The following DNAH3 variants were observed in gnomAD, a reference collection of about 807,000 sequenced individuals.
The protein encoded by DNAH3 is dynein axonemal heavy chain 3, also known as axonemal beta dynein heavy chain 3.
Under a neutral mutation model 432.5 loss-of-function variants are expected in DNAH3, and 332 were observed. The observed-to-expected ratio is 0.77, with a 90% confidence interval of 0.70 to 0.84. The LOEUF is 0.84. DNAH3 is among the 40% of genes least tolerant of loss of function. The probability of loss-of-function intolerance (pLI) is 0.00; values close to 1 mark genes in which losing one functional copy is unlikely to be tolerated. For missense variants in DNAH3, 4,861 were observed against 5,114.0 expected (o/e 0.95, Z 1.51); for synonymous variants, 1,956 against 1,900.2 (o/e 1.03, Z -0.76).
intron 53 of DNAH3, among the ~76,000 whole-genome samples, chr16:20,959,608 TAAACACACAC>T (rs1567529516): frequency 4.6e-5 from 5 of 109,446 alleles, no homozygotes; most frequent in Non-Finnish European, 7.6e-5. Flanking sequence ...TGTCTCTATT[TAAACACACAC>T]ACACACACAC....
At chr16:20,933,614 T>G in intron 61 of DNAH3, 107 bp from the exon 62 acceptor site, 1 of 843,150 alleles carries the variant, frequency 1.2e-6, no homozygotes, top group Non-Finnish European at 1.8e-6. Context: ...GGTTGCAATA[T>G]CTACCTCTCC....
chr16:20,934,817 C>G (rs2152563904), intron 61 of DNAH3, among the ~76,000 whole-genome samples: 1 of 152,122 alleles, frequency 6.6e-6, no homozygotes, highest in East Asian at 1.9e-4. Flanking sequence ...AAAGGCTAAT[C>G]AAGTTAAGTT....
intron 44 of DNAH3, among the ~76,000 whole-genome samples, chr16:20,994,051 T>C (rs2086664071): frequency 6.6e-6 from 1 of 152,236 alleles, no homozygotes; most frequent in African/African-American, 2.4e-5. Context: ...ATTCAGATAC[T>C]TCAGACACTT....
chr16:21,105,487 C>G (rs1260270721), intron 15 of DNAH3, among the ~76,000 whole-genome samples: 1 of 152,142 alleles, frequency 6.6e-6, no homozygotes, highest in Admixed American at 6.5e-5. Context: ...GATGGGCGGC[C>G]AGGGGCTGTG....
At chr16:21,059,572 C>T (rs1420168849) in intron 26 of DNAH3, among the ~76,000 whole-genome samples, 3 of 152,000 alleles carry the variant, frequency 2.0e-5, no homozygotes, top group East Asian at 1.9e-4. Flanking sequence ...GTCAGGAGTT[C>T]GAGACCAGCC....
At chr16:20,974,985 GT>G (rs35783206) in intron 51 of DNAH3, among the ~76,000 whole-genome samples, 1,858 of 120,786 alleles carry the variant, frequency 0.015, 44 homozygotes, top group African/African-American at 0.054. Flanking sequence ...CACCTGGCTA[GT>G]TTTTTTTTTT....
chr16:20,987,186 C>G, intron 47 of DNAH3, 119 bp downstream of exon 47: 1 of 1,262,710 alleles, frequency 7.9e-7, no homozygotes, highest in Non-Finnish European at 1.1e-6. Context: ...TACTGTTTCC[C>G]GAGATTCAGA....
At chr16:21,106,725 C>G (rs1178536316) in intron 14 of DNAH3, 51 bp from the exon 15 acceptor site, 2 of 1,345,202 alleles carry the variant, frequency 1.5e-6, no homozygotes, top group Non-Finnish European at 2.0e-6. Flanking sequence ...ACCATCATCA[C>G]CATCTAAAAT....
chr16:20,991,243 C>T (rs2086543013), intron 44 of DNAH3, among the ~76,000 whole-genome samples: 1 of 151,880 alleles, frequency 6.6e-6, no homozygotes, highest in South Asian at 2.1e-4. Context: ...TTTAATTCTG[C>T]CAGTTAAAAC....
intron 3 of DNAH3, among the ~76,000 whole-genome samples, chr16:21,142,767 C>A (rs1433861099): frequency 6.6e-6 from 1 of 151,874 alleles, no homozygotes; most frequent in Non-Finnish European, 1.5e-5. Context: ...GATCCTCCCA[C>A]CTCAGTCTCC....
At chr16:20,980,221 ATTATTT>A (rs1177246108) in intron 49 of DNAH3, among the ~76,000 whole-genome samples, 2 of 97,424 alleles carry the variant, frequency 2.1e-5, no homozygotes, top group East Asian at 2.7e-4. Context: ...TATTATTTAT[ATTATTT>A]ATTTATATTA....
intron 1 of DNAH3, among the ~76,000 whole-genome samples, chr16:21,156,931 C>G (rs906604476): frequency 8.8e-6 from 1 of 114,096 alleles, no homozygotes; most frequent in Non-Finnish European, 1.8e-5. Context: ...AGTGGAAACC[C>G]TAACTCAGCT....
chr16:21,018,002 T>A (rs78449424), intron 41 of DNAH3, among the ~76,000 whole-genome samples: 4,288 of 151,962 alleles, frequency 0.028, 213 homozygotes, highest in African/African-American at 0.097. Context: ...ATCTTTTTTT[T>A]AAAAAAAATT....
chr16:20,960,511 C>A (rs1203868038), intron 53 of DNAH3, among the ~76,000 whole-genome samples: 3 of 152,162 alleles, frequency 2.0e-5, no homozygotes, highest in Non-Finnish European at 4.4e-5. Context: ...CATGGTGAAA[C>A]CCCATCTCTA....
chr16:21,148,504 C>T (rs2092815026), intron 1 of DNAH3, among the ~76,000 whole-genome samples: 1 of 151,604 alleles, frequency 6.6e-6, no homozygotes, highest in Non-Finnish European at 1.5e-5. Context: ...GTGACACAAT[C>T]TTGGCTCACT....
intron 24 of DNAH3, among the ~76,000 whole-genome samples, chr16:21,066,220 G>A (rs1267326010): frequency 3.3e-5 from 5 of 151,348 alleles, no homozygotes; most frequent in Admixed American, 6.6e-5. Context: ...ATAAAGAAAC[G>A]CTAAAATTTA....
chr16:21,077,499 T>C (rs2091017459), intron 20 of DNAH3, among the ~76,000 whole-genome samples: 1 of 152,114 alleles, frequency 6.6e-6, no homozygotes, highest in Non-Finnish European at 1.5e-5. Context: ...TGAACCTCTG[T>C]TAATTTATGT....
At chr16:21,058,051 G>T (rs62034925) in intron 27 of DNAH3, 35 bp downstream of exon 27, 2 of 1,180,156 alleles carry the variant, frequency 1.7e-6, no homozygotes, top group East Asian at 2.3e-5. Context: ...TTGATGCTTG[G>T]ATCTCTTCTG....
At chr16:21,080,291 C>T (rs1414322669) in intron 20 of DNAH3, among the ~76,000 whole-genome samples, 9 of 151,978 alleles carry the variant, frequency 5.9e-5, no homozygotes, top group South Asian at 4.2e-4. Flanking sequence ...AGTGAGACTC[C>T]GTCTCCAAAA....
Sources: allele counts gnomAD v4.1 joint callset (sites outside exome capture counted in the v4.1 genomes callset), GRCh38; gene constraint gnomAD v4.1.1; transcripts MANE v1.5; gene names NCBI Gene and HGNC (gene_info 2026-07-23, HGNC 2026-07-21).